Variants in SEMA3A observed in about 807,000 individuals in gnomAD.
The protein encoded by SEMA3A is semaphorin-3A.
Under a neutral mutation model 97.9 loss-of-function variants are expected in SEMA3A, and 29 were observed. The observed-to-expected ratio is 0.30, with a 90% CI of 0.22 to 0.40. SEMA3A has a LOEUF of 0.40. Among genes scored for constraint, SEMA3A ranks in the 10% least tolerant of loss-of-function variants. The pLI is 1.00. For synonymous variants in SEMA3A, 321 were observed against 323.7 expected (o/e 0.99, Z 0.09); for missense variants, 763 against 951.3 (o/e 0.80, Z 2.60).
intron 1 of SEMA3A, among the ~76,000 whole-genome samples, chr7:84,422,125 G>A (rs1181283898): frequency 9.2e-5 from 14 of 151,900 alleles, no homozygotes; most frequent in South Asian, 4.1e-4. Flanking sequence ...GGTAGAATTC[G>A]GCTGTGAATC....
intron 2 of SEMA3A, among the ~76,000 whole-genome samples, chr7:84,317,501 T>C (rs2115893942): frequency 6.6e-6 from 1 of 152,314 alleles, no homozygotes; most frequent in East Asian, 1.9e-4. Context: ...CTTCCTTCTT[T>C]TTATATTTTA....
chr7:84,464,746 G>C (rs1441674554), intron 1 of SEMA3A, among the ~76,000 whole-genome samples: 2 of 152,088 alleles, frequency 1.3e-5, no homozygotes, highest in African/African-American at 4.8e-5. Flanking sequence ...TCAAAGACGG[G>C]GAAAGTTAGG....
chr7:84,208,833 A>G (rs1332564646), intron 3 of SEMA3A, among the ~76,000 whole-genome samples: 1 of 152,234 alleles, frequency 6.6e-6, no homozygotes, highest in Non-Finnish European at 1.5e-5. Context: ...CAGATTCAGA[A>G]TACATAAAAC....
intron 15 of SEMA3A, among the ~76,000 whole-genome samples, chr7:83,974,668 T>C (rs987176520): frequency 1.5e-4 from 23 of 151,512 alleles, no homozygotes; most frequent in Non-Finnish European, 3.2e-4. Context: ...TAATCACTGA[T>C]TCCTAATGGT....
chr7:84,159,801 G>T (rs999959453), intron 1 of SEMA3A, among the ~76,000 whole-genome samples: 7 of 152,090 alleles, frequency 4.6e-5, no homozygotes, highest in African/African-American at 1.7e-4. Flanking sequence ...ATCCAATTTT[G>T]CCATTAGTTT....
intron 2 of SEMA3A, among the ~76,000 whole-genome samples, chr7:84,332,813 C>G (rs1468080080): frequency 1.3e-5 from 2 of 151,822 alleles, no homozygotes; most frequent in African/African-American, 4.8e-5. Context: ...ACATTGAGTA[C>G]CTTTATTAAG....
rs1796316880 is a variant in SEMA3A, at chr7:84,142,212, A to C, written c.113-7261T>G. 2.6e-5 allele frequency among the ~76,000 whole-genome samples: 4 copies of C among 152,324 alleles called. No homozygotes were observed. In the South Asian group the frequency reaches 8.3e-4, roughly 32 times the overall value. On this transcript the variant is annotated intron_variant, in intron 1 of 16. Transcript: ENST00000265362. ...TCACTTAACGGTCATTCACCTACTAAGTCAACAAAAACACATTTAGTCCAT... is the reference window on the plus strand; with the variant it reads ...TCACTTAACGGTCATTCACCTACTACGTCAACAAAAACACATTTAGTCCAT...
chr7:84,064,450 C>T (rs1370844145), intron 4 of SEMA3A, among the ~76,000 whole-genome samples: 1 of 152,104 alleles, frequency 6.6e-6, no homozygotes, highest in Admixed American at 6.5e-5. Flanking sequence ...GGACTAAATG[C>T]TCCAATTAAA....
chr7:84,087,653 A>G (rs1794422205), intron 4 of SEMA3A, among the ~76,000 whole-genome samples: 1 of 152,180 alleles, frequency 6.6e-6, no homozygotes, highest in Non-Finnish European at 1.5e-5. Flanking sequence ...CTAAGTAGAG[A>G]TGTAGGGGAG....
intron 3 of SEMA3A, among the ~76,000 whole-genome samples, chr7:84,236,112 T>C (rs1374274096): frequency 4.6e-5 from 7 of 152,098 alleles, no homozygotes; most frequent in Non-Finnish European, 1.0e-4. Flanking sequence ...ATTCATTTGT[T>C]TCTCTTCCAA....
chr7:83,972,227 A>C (rs1441688215), intron 15 of SEMA3A, among the ~76,000 whole-genome samples: 1 of 151,960 alleles, frequency 6.6e-6, no homozygotes, highest in Non-Finnish European at 1.5e-5. Flanking sequence ...ATATGATAAT[A>C]AAATTTGCTG....
rs754229301 is a variant in SEMA3A, at chr7:83,985,468, C to A, written c.1462G>T (p.Ala488Ser). 42 of 1,608,882 alleles carry A rather than the reference C, an allele frequency of 2.6e-5. No individual in the cohort carries two copies. The highest frequency in any genetic ancestry group is 3.4e-5 in the Non-Finnish European group (40 of 1,176,678). The change falls in exon 13 of 17, where the codon GCT becomes TCT. Residue 488 changes from alanine to serine, a missense_variant. Around this residue, in one of 2 missense-constraint regions of SEMA3A, gnomAD observed 678 missense variants for 881.3 expected, o/e 0.77. Transcript: ENST00000265362. ...GTGGAAAGCTCCATTGCTGAAATAGCAGTCGGTTCCTAAAGGAGAAAAAGA... is the reference window on the plus strand; with the variant it reads ...GTGGAAAGCTCCATTGCTGAAATAGAAGTCGGTTCCTAAAGGAGAAAAAGA... ...EEMTVFREPTAISAMELSTKQ... is the reference protein window; with the variant it reads ...EEMTVFREPTSISAMELSTKQ...
intron 4 of SEMA3A, among the ~76,000 whole-genome samples, chr7:84,061,592 A>T (rs1027583333): frequency 2.6e-5 from 4 of 152,222 alleles, no homozygotes; most frequent in Non-Finnish European, 5.9e-5. Context: ...TACTATTCAC[A>T]TAAAAGTATT....
At chr7:84,174,518 T>G (rs1797500019) in intron 1 of SEMA3A, among the ~76,000 whole-genome samples, 1 of 152,352 alleles carries the variant, frequency 6.6e-6, no homozygotes, top group South Asian at 2.1e-4. Flanking sequence ...GTTTATATAC[T>G]GAAACAACTT....
intron 1 of SEMA3A, among the ~76,000 whole-genome samples, chr7:84,417,840 T>C (rs1402422072): frequency 6.6e-6 from 1 of 152,036 alleles, no homozygotes; most frequent in African/African-American, 2.4e-5. Context: ...GGTGTAATGG[T>C]TCAGAATTAT....
At chr7:84,152,701 A>G (rs1796714181) in intron 1 of SEMA3A, among the ~76,000 whole-genome samples, 1 of 151,960 alleles carries the variant, frequency 6.6e-6, no homozygotes, top group Non-Finnish European at 1.5e-5. Flanking sequence ...ATAATAAAAA[A>G]TAAATAAATA....
chr7:84,103,567 A>G (rs891686381), intron 4 of SEMA3A, among the ~76,000 whole-genome samples: 3 of 152,152 alleles, frequency 2.0e-5, no homozygotes, highest in African/African-American at 7.2e-5. Context: ...GAGGAGATGA[A>G]GGTATTCTGA....
chr7:84,193,867 CAA>C, intron 1 of SEMA3A, among the ~76,000 whole-genome samples: 1 of 152,208 alleles, frequency 6.6e-6, no homozygotes, highest in Non-Finnish European at 1.5e-5. Context: ...CATAATATTT[CAA>C]AGACTTTAGC....
chr7:84,219,756 C>T (rs1002176501), intron 3 of SEMA3A, among the ~76,000 whole-genome samples: 1 of 152,164 alleles, frequency 6.6e-6, no homozygotes, highest in African/African-American at 2.4e-5. Context: ...GCTGTATCTT[C>T]TGGATGACTT....
Sources: gnomAD v4.1 joint callset for allele counts (sites outside exome capture counted in the v4.1 genomes callset) on GRCh38, gnomAD v4.1.1 for gene constraint, gnomAD v4.1.1 regional missense constraint, MANE v1.5 for transcripts, NCBI Gene and HGNC (gene_info 2026-07-23, HGNC 2026-07-21) for gene names.